Variants in FAM178B observed in about 807,000 individuals in gnomAD.
FAM178B encodes the protein protein FAM178B.
A neutral mutation model predicts 91.7 loss-of-function variants in FAM178B; 82 were observed. The ratio of observed to expected loss-of-function variants is 0.89; its 90% CI spans 0.75 to 1.07. The LOEUF (loss-of-function observed/expected upper bound fraction) is 1.07. Ranked by LOEUF, FAM178B falls within the 50% of genes least tolerant of loss-of-function variation. FAM178B has a pLI of 0.00. For synonymous variants in FAM178B, 368 were observed against 359.4 expected (o/e 1.02, Z -0.27); for missense variants, 769 against 846.7 (o/e 0.91, Z 1.14).
At chr2:96,946,019 C>G (rs535296828) in intron 8 of FAM178B, among the ~76,000 whole-genome samples, 2 of 152,162 alleles carry the variant, frequency 1.3e-5, no homozygotes, top group Admixed American at 1.3e-4. Flanking sequence ...CCCTAGCCCC[C>G]GGTAACCACC....
intron 8 of FAM178B, among the ~76,000 whole-genome samples, chr2:96,936,491 C>T (rs532368686): frequency 8.3e-4 from 123 of 147,784 alleles, no homozygotes; most frequent in Non-Finnish European, 1.6e-3. Flanking sequence ...TGAGCCACCA[C>T]GCCCGGGTTT....
intron 13 of FAM178B, among the ~76,000 whole-genome samples, chr2:96,901,309 AT>A (rs2080927051): frequency 6.7e-6 from 1 of 150,184 alleles, no homozygotes. Flanking sequence ...AGTAGCTGGG[AT>A]TACAGGCGCC....
At chr2:96,970,809 C>CA in intron 3 of FAM178B, 32 bp from the exon 4 acceptor site, 2 of 1,448,300 alleles carry the variant, frequency 1.4e-6, no homozygotes, top group East Asian at 2.5e-5. Context: ...ATGAGGACGA[C>CA]AGAGAAGTAC....
intron 15 of FAM178B, 63 bp from the exon 16 acceptor site, chr2:96,878,105 G>A: frequency 1.9e-6 from 3 of 1,564,534 alleles, no homozygotes; most frequent in East Asian, 2.2e-5. Context: ...CCAAAGCCGG[G>A]CAGGAGGAGA....
At chr2:96,914,217 G>C (rs1013026127) in intron 12 of FAM178B, among the ~76,000 whole-genome samples, 1 of 152,156 alleles carries the variant, frequency 6.6e-6, no homozygotes, top group African/African-American at 2.4e-5. Context: ...ATGAAGGAAA[G>C]GGAGGTTGTG....
rs192354218 is a variant in FAM178B, at chr2:96,909,327, C to T, written c.1563-6620G>A. Among the ~76,000 whole-genome samples, 341 of 152,250 alleles carry T rather than the reference C, an allele frequency of 2.2e-3. 15 individuals carry two copies. In the East Asian group the frequency reaches 0.04, roughly 18 times the overall value. On this transcript the variant is annotated intron_variant, in intron 12 of 16. Coordinates refer to ENST00000490605, the MANE Select transcript of FAM178B (RefSeq NM_001122646.3). ...ATTTACCGGACTAACCAAAGGAAAT[C>T]GTTCCCATATTTTGCCAAAACCTGC...
chr2:96,886,192 T>C (rs905034863), intron 14 of FAM178B, among the ~76,000 whole-genome samples: 4 of 152,086 alleles, frequency 2.6e-5, no homozygotes, highest in Non-Finnish European at 4.4e-5. Context: ...TGTCCCAGCC[T>C]CCTGTCCCCT....
intron 12 of FAM178B, among the ~76,000 whole-genome samples, chr2:96,911,136 A>G (rs1043765884): frequency 1.3e-5 from 2 of 152,072 alleles, no homozygotes; most frequent in African/African-American, 2.4e-5. Context: ...AAGCAGACAA[A>G]GCACGAGTGT....
chr2:96,894,817 A>C (rs2080783729), intron 13 of FAM178B, among the ~76,000 whole-genome samples: 1 of 60,894 alleles, frequency 1.6e-5, no homozygotes. Context: ...CCACATACAC[A>C]GACCCCCTAT....
chr2:96,905,582 GA>G (rs1049836962), intron 12 of FAM178B, among the ~76,000 whole-genome samples: 2 of 147,228 alleles, frequency 1.4e-5, no homozygotes, highest in African/African-American at 2.5e-5. Context: ...AAAAGAAAAA[GA>G]AAAAAAAAGT....
chr2:96,975,742 T>G (rs1279269857), intron 1 of FAM178B, among the ~76,000 whole-genome samples: 1 of 152,246 alleles, frequency 6.6e-6, no homozygotes, highest in African/African-American at 2.4e-5. Flanking sequence ...TTACACTAAA[T>G]GTACCATAGA....
chr2:96,944,062 G>A (rs1269613828), intron 8 of FAM178B, among the ~76,000 whole-genome samples: 2 of 152,064 alleles, frequency 1.3e-5, no homozygotes, highest in Non-Finnish European at 2.9e-5. Flanking sequence ...GGCCAACATG[G>A]TGAAACCCTG....
chr2:96,898,879 C>G (rs1203877530), intron 13 of FAM178B, among the ~76,000 whole-genome samples: 1 of 152,214 alleles, frequency 6.6e-6, no homozygotes, highest in African/African-American at 2.4e-5. Flanking sequence ...ACAGCAAAAG[C>G]TGTGTGCAGA....
chr2:96,963,985 G>C (rs921653375), intron 5 of FAM178B, among the ~76,000 whole-genome samples: 1 of 152,102 alleles, frequency 6.6e-6, no homozygotes, highest in East Asian at 1.9e-4. Context: ...TTCAAGACCA[G>C]CCTGGCCAAT....
intron 14 of FAM178B, among the ~76,000 whole-genome samples, chr2:96,891,876 C>G (rs1321803026): frequency 6.6e-6 from 1 of 152,196 alleles, no homozygotes; most frequent in Non-Finnish European, 1.5e-5. Flanking sequence ...GCTCAGCAGC[C>G]CCAACGCTGG....
chr2:96,925,417 T>A (rs1158587880), intron 9 of FAM178B, among the ~76,000 whole-genome samples: 3 of 152,116 alleles, frequency 2.0e-5, no homozygotes, highest in African/African-American at 7.2e-5. Flanking sequence ...ATGGGCAACA[T>A]AATGGGGGTC....
chr2:96,915,488 G>A (rs2081226525), intron 12 of FAM178B, among the ~76,000 whole-genome samples: 1 of 152,068 alleles, frequency 6.6e-6, no homozygotes, highest in African/African-American at 2.4e-5. Context: ...GTGGGGGTAA[G>A]AGCAGGAGCT....
At chr2:96,978,031 G>A (rs2082315067) in intron 1 of FAM178B, 1 of 404,228 alleles carries the variant, frequency 2.5e-6, no homozygotes, top group Admixed American at 2.9e-5. Flanking sequence ...GAAAAAAAAT[G>A]ACACAACTTC....
chr2:96,899,226 A>G (rs1206867833), intron 13 of FAM178B, among the ~76,000 whole-genome samples: 1 of 152,170 alleles, frequency 6.6e-6, no homozygotes, highest in Non-Finnish European at 1.5e-5. Flanking sequence ...CAGTACAAGC[A>G]CTGACTCAGC....
Sources: allele counts gnomAD v4.1 joint callset (sites outside exome capture counted in the v4.1 genomes callset), GRCh38; gene constraint gnomAD v4.1.1; transcripts MANE v1.5; gene names NCBI Gene and HGNC (gene_info 2026-07-23, HGNC 2026-07-21).